SEMA3E: variants seen among roughly 807,000 people sequenced by gnomAD.
SEMA3E encodes semaphorin-3E.
Under a neutral mutation model 93.6 loss-of-function variants are expected in SEMA3E, and 49 were observed. The ratio of observed to expected loss-of-function variants is 0.52; its 90% CI spans 0.42 to 0.66. The LOEUF (loss-of-function observed/expected upper bound fraction) is 0.66. Ranked by LOEUF, SEMA3E falls within the 30% of genes least tolerant of loss-of-function variation. The pLI is 0.00. For synonymous variants in SEMA3E, 363 were observed against 330.7 expected, an observed-to-expected ratio of 1.10 and a Z score of -1.06; for missense variants, 906 against 964.8, an observed-to-expected ratio of 0.94 and a Z score of 0.81.
chr7:83,461,348 T>G (rs925434494), intron 4 of SEMA3E, among the ~76,000 whole-genome samples: 6 of 152,140 alleles, frequency 3.9e-5, no homozygotes, highest in African/African-American at 1.4e-4. Context: ...CCCAGGCTGC[T>G]CCTCGCCAGG....
chr7:83,441,746 T>A (rs947158406), intron 4 of SEMA3E, among the ~76,000 whole-genome samples: 7 of 147,258 alleles, frequency 4.8e-5, no homozygotes, highest in Non-Finnish European at 1.1e-4. Flanking sequence ...TTTTTAAGCC[T>A]ACAGGTATGG....
chr7:83,587,015 G>C (rs1410003583), intron 1 of SEMA3E, among the ~76,000 whole-genome samples: 1 of 152,138 alleles, frequency 6.6e-6, no homozygotes, highest in Non-Finnish European at 1.5e-5. Flanking sequence ...GGTTAGAATA[G>C]ATATATATCT....
intron 2 of SEMA3E, among the ~76,000 whole-genome samples, chr7:83,474,997 T>TTATA (rs915091239): frequency 6.6e-6 from 1 of 150,610 alleles, no homozygotes; most frequent in African/African-American, 2.4e-5. Context: ...TACATATTTA[T>TTATA]TATATATATA....
At chr7:83,597,257 G>T (rs1482915505) in intron 1 of SEMA3E, among the ~76,000 whole-genome samples, 3 of 152,126 alleles carry the variant, frequency 2.0e-5, no homozygotes, top group Non-Finnish European at 2.9e-5. Flanking sequence ...TTAAAATTAT[G>T]ATTTAAGTCC....
Position 83,366,666 on chromosome 7 carries a change from G to A in SEMA3E, c.*920C>T, listed in dbSNP as rs900156732. The A allele has an allele frequency of 1.3e-5, 2 of 152,004 alleles. No individual in the cohort carries two copies. Among genetic ancestry groups the A allele is most frequent in the Non-Finnish European group, 2.9e-5 (2 of 67,972 alleles). The allele number at this position is 152,004 out of a possible 1,614,324, so 9.4% of individuals were successfully genotyped here. A position where few individuals can be genotyped will look rare whatever the true frequency, so the allele number is the denominator to read the frequency against. ...CTTTCATATTAAAGTATGATACAAG[G>A]ATTAACATGTTTTTTATTTCAGTTA... On this transcript the variant is annotated 3_prime_UTR_variant, in exon 17 of 17. Coordinates refer to ENST00000643230, the MANE Select transcript of SEMA3E (RefSeq NM_012431.3).
chr7:83,492,727 T>TAC (rs148334803), intron 1 of SEMA3E, among the ~76,000 whole-genome samples: 45,985 of 150,486 alleles, frequency 0.31, 7,538 homozygotes, highest in Middle Eastern at 0.46. Context: ...TATATATATG[T>TAC]ACACACACAC....
At chr7:83,413,569 T>A (rs1287571716) in intron 5 of SEMA3E, among the ~76,000 whole-genome samples, 3 of 152,080 alleles carry the variant, frequency 2.0e-5, no homozygotes, top group Non-Finnish European at 4.4e-5. Context: ...TGGATGAAAA[T>A]GACTCACATA....
rs145965702 is a variant in SEMA3E at position 83,545,815 on chromosome 7, T to TTATA, written c.116-55545_116-55542dup. Among the ~76,000 whole-genome samples, 1,117 of 145,422 alleles carry TTATA rather than the reference T, an allele frequency of 7.7e-3. 9 individuals are homozygous for TTATA. Among genetic ancestry groups the TTATA allele is most frequent in the African/African-American group, 0.026 (1,040 of 39,896 alleles). ...TATATATACAAATATATATCCAGTA[T>TTATA]TATATATATATATAATATATATCTC... On this transcript the variant is annotated intron_variant, in intron 1 of 16. Coordinates refer to ENST00000643230, the MANE Select transcript of SEMA3E (RefSeq NM_012431.3).
At position 83,364,386 on chromosome 7, in the gene SEMA3E, G is replaced by GAAAA. The variant is rs1794635754; in HGVS notation, c.*3196_*3199dup. 1 of 152,102 alleles carries GAAAA rather than the reference G, an allele frequency of 6.6e-6. No homozygotes were observed. Among genetic ancestry groups the GAAAA allele is most frequent in the Admixed American group, 6.5e-5 (1 of 15,278 alleles). 9.4% of individuals were successfully genotyped at this position (152,102 alleles called of 1,614,324 possible). ...CTAAGTATTTAACTAATTTTAGATA[G>GAAAA]AAAAAACTCTAAAATATGTATGGAA... On this transcript the variant is annotated 3_prime_UTR_variant, in exon 17 of 17. Coordinates refer to ENST00000643230, the MANE Select transcript of SEMA3E (RefSeq NM_012431.3).
chr7:83,601,562 GACCCA>G lies in SEMA3E; in HGVS notation c.115+46861_115+46865del, dbSNP rs1792998696. Among the ~76,000 whole-genome samples, 7 of 151,994 alleles carry G rather than the reference GACCCA, an allele frequency of 4.6e-5. 1 individual carries two copies. The South Asian group carries it at 1.5e-3, about 32-fold the overall frequency. On this transcript the variant is annotated intron_variant, in intron 1 of 16. Transcript: ENST00000643230. ...TTTTTTGGCTCAGTTTTGCATATCT[GACCCA>G]AGCTCTTATAGTCATATATTCTTTC... is the stretch of plus-strand genomic sequence containing the variant.
chr7:83,426,919 C>T (rs535643834), intron 4 of SEMA3E, among the ~76,000 whole-genome samples: 24 of 151,970 alleles, frequency 1.6e-4, no homozygotes, highest in African/African-American at 4.6e-4. Context: ...CCAATAAATA[C>T]ATTATTGTAT....
chr7:83,472,280 C>A (rs1789913384), intron 2 of SEMA3E, among the ~76,000 whole-genome samples: 1 of 152,142 alleles, frequency 6.6e-6, no homozygotes, highest in South Asian at 2.1e-4. Context: ...GCTTTAAATA[C>A]AATATCTAAT....
At chr7:83,435,005 G>T (rs1788975123) in intron 4 of SEMA3E, among the ~76,000 whole-genome samples, 1 of 151,996 alleles carries the variant, frequency 6.6e-6, no homozygotes, top group African/African-American at 2.4e-5. Context: ...GAGCCACCGC[G>T]CCCGGCCAAC....
At chr7:83,514,427 T>C (rs940511698) in intron 1 of SEMA3E, among the ~76,000 whole-genome samples, 1 of 152,146 alleles carries the variant, frequency 6.6e-6, no homozygotes, top group Admixed American at 6.5e-5. Flanking sequence ...ACCCCTTTCC[T>C]GTAACATATT....
rs1584267738 is a variant in SEMA3E at position 83,466,542 on chromosome 7, G to C, written c.396C>G (p.Thr132=). ...LHHYNRTHLL[T]CGTGAFDPVC... ...CTGGATCAAAAGCTCCAGTACCACAGGTCAGAAGGTGTGTCCTGTTATAGT... is the reference window on the plus strand; with the variant it reads ...CTGGATCAAAAGCTCCAGTACCACACGTCAGAAGGTGTGTCCTGTTATAGT... The change falls in exon 4 of 17, where the codon ACC becomes ACG. Residue 132 remains threonine, a synonymous_variant. Transcript: ENST00000643230. 4 of 1,613,918 alleles carry C rather than the reference G, an allele frequency of 2.5e-6. No individual in the cohort carries two copies. Among genetic ancestry groups the C allele is most frequent in the East Asian group, 2.2e-5 (1 of 44,866 alleles).
At chr7:83,545,398 A>G (rs895725240) in intron 1 of SEMA3E, among the ~76,000 whole-genome samples, 4 of 151,968 alleles carry the variant, frequency 2.6e-5, no homozygotes, top group Non-Finnish European at 4.4e-5. Flanking sequence ...GCACTTCATA[A>G]TTACAAAATT....
At chr7:83,606,114 C>T (rs1745960225) in intron 1 of SEMA3E, among the ~76,000 whole-genome samples, 1 of 152,194 alleles carries the variant, frequency 6.6e-6, no homozygotes, top group Non-Finnish European at 1.5e-5. Flanking sequence ...CATTCAGCAT[C>T]CTGCTGGTAA....
chr7:83,427,456 T>C (rs1788795446), intron 4 of SEMA3E, among the ~76,000 whole-genome samples: 1 of 152,074 alleles, frequency 6.6e-6, no homozygotes, highest in South Asian at 2.1e-4. Flanking sequence ...TTTGCAACTT[T>C]ATGCAACTGA....
intron 1 of SEMA3E, among the ~76,000 whole-genome samples, chr7:83,634,518 C>A (rs1287379073): frequency 6.6e-6 from 1 of 152,016 alleles, no homozygotes; most frequent in East Asian, 1.9e-4. Context: ...CAGTACATAA[C>A]TTTTGTCTTA....
Sources: allele counts gnomAD v4.1 joint callset (sites outside exome capture counted in the v4.1 genomes callset), GRCh38; gene constraint gnomAD v4.1.1; transcripts MANE v1.5; gene names NCBI Gene and HGNC (gene_info 2026-07-23, HGNC 2026-07-21).